XDH: variants seen among roughly 807,000 people sequenced by gnomAD.
The protein encoded by XDH is xanthine dehydrogenase.
In XDH, 138 loss-of-function variants were observed where a neutral mutation model predicts 156.1. The observed-to-expected ratio is 0.88, with a 90% CI of 0.77 to 1.02. The LOEUF is 1.02. Among genes scored for constraint, XDH ranks in the 50% least tolerant of loss-of-function variants. The pLI is 0.00. For synonymous variants in XDH, 669 were observed against 625.7 expected (o/e 1.07, Z -1.03); for missense variants, 1,849 against 1,684.9 (o/e 1.10, Z -1.71).
chr2:31,377,249 C>A lies in XDH; in HGVS notation c.1243-12G>T. 6.2e-7 allele frequency: 1 copy of A among 1,613,828 alleles called. No individual in the cohort carries two copies. The highest frequency in any genetic ancestry group is 8.5e-7 in the Non-Finnish European group (1 of 1,180,018). ...GAGAAATACTCCCCCTAAAAGAGAT[C>A]AGGAAGGTGCCTGTTTTCCACCTTG... On this transcript the variant is annotated splice_polypyrimidine_tract_variant and intron_variant, in intron 13 of 35. Transcript: ENST00000379416.
intron 28 of XDH, among the ~76,000 whole-genome samples, chr2:31,347,990 G>A (rs1685348210): frequency 6.6e-6 from 1 of 152,206 alleles, no homozygotes; most frequent in African/African-American, 2.4e-5. Context: ...CTTGGAATGT[G>A]GGAAACTCGC....
In XDH at chr2:31,372,407, C is replaced by A; in HGVS notation, c.1687-10G>T. 6.2e-7 allele frequency: 1 copy of A among 1,613,936 alleles called. No individual in the cohort carries two copies. Among genetic ancestry groups the A allele is most frequent in the Non-Finnish European group, 8.5e-7 (1 of 1,180,018 alleles). On this transcript the variant is annotated splice_polypyrimidine_tract_variant and intron_variant, in intron 16 of 35. Transcript: ENST00000379416. ...GACCCTTGGGCACCTCCTGGAATGA[C>A]AGGGTCATCAATCAGGGTGAGCTGC...
At chr2:31,395,477 A>G (rs764507843) in intron 6 of XDH, among the ~76,000 whole-genome samples, 11 of 152,236 alleles carry the variant, frequency 7.2e-5, no homozygotes, top group Non-Finnish European at 1.2e-4. Context: ...ATGCTCTGGC[A>G]TATTCCAAAA....
intron 20 of XDH, 99 bp downstream of exon 20, chr2:31,367,862 A>G (rs2148768761): frequency 8.5e-7 from 1 of 1,181,576 alleles, no homozygotes; most frequent in Non-Finnish European, 1.3e-6. Context: ...GGAAATGTCC[A>G]GAAATCACTT....
rs749807779 is a variant in XDH, at chr2:31,370,419, T to C, written c.1916A>G (p.Asp639Gly). The change falls in exon 18 of 36, where the codon GAT becomes GGT. Residue 639 changes from aspartate (D) to glycine (G), a missense_variant. Asp to Gly is a moderately conservative substitution (Grantham distance 94). Transcript: ENST00000379416. ...AGTTATGTTACTCCCAGGAACATCA[T>C]CAGCGGAAATGAAACAAACAAACCC... ...VPGFVCFISA[D>G]DVPGSNITGI... The C allele has an allele frequency of 1.9e-6, 3 of 1,614,106 alleles. No individual in the cohort carries two copies. Among genetic ancestry groups the C allele is most frequent in the East Asian group, 4.5e-5 (2 of 44,896 alleles).
intron 34 of XDH, 91 bp from the exon 35 acceptor site, chr2:31,337,908 C>A: frequency 7.0e-7 from 1 of 1,436,330 alleles, no homozygotes; most frequent in Non-Finnish European, 9.5e-7. Flanking sequence ...GCAGCAAACT[C>A]TGCACGAGGA....
chr2:31,405,150 C>A (rs1437254422), intron 2 of XDH, among the ~76,000 whole-genome samples: 1 of 152,190 alleles, frequency 6.6e-6, no homozygotes, highest in Admixed American at 6.5e-5. Flanking sequence ...GGCCTCAGTT[C>A]CTCCTCTGTG....
intron 1 of XDH, among the ~76,000 whole-genome samples, chr2:31,412,978 C>T (rs931295251): frequency 6.6e-6 from 1 of 152,136 alleles, no homozygotes; most frequent in Non-Finnish European, 1.5e-5. Context: ...AATTACTCTC[C>T]TAAAGTGAAA....
rs540423329 is a variant in XDH at position 31,389,931 on chromosome 2, C to T, written c.496-1636G>A. Among the ~76,000 whole-genome samples the T allele has an allele frequency of 2.6e-5, 4 of 152,184 alleles. No homozygotes were observed. In the South Asian group the frequency reaches 8.3e-4, roughly 32 times the overall value. On this transcript the variant is annotated intron_variant, in intron 6 of 35. Coordinates refer to ENST00000379416, the MANE Select transcript of XDH (RefSeq NM_000379.4). ...TAGAGAATTCCCAAATACCCCTATC[C>T]CAACATACACGCACAACCTTTCTCA...
intron 4 of XDH, 35 bp downstream of exon 4, chr2:31,401,185 G>T: frequency 6.2e-7 from 1 of 1,610,304 alleles, no homozygotes; most frequent in South Asian, 1.1e-5. Context: ...GAAAGAGCCT[G>T]ATCTCAAGAG....
rs1252277133 is a variant in XDH, at chr2:31,373,899, G to T, written c.1660C>A (p.Pro554Thr). ...TGGAAGAGCTGGACATCGGCTGGGG[G>T]GTCTTTCTGAAACAGTAAAGTTGCA... Reference protein sequence around the residue: ...ASATLLFQKDPPADVQLFQEV... With the variant: ...ASATLLFQKDTPADVQLFQEV... The change falls in exon 16 of 36, where the codon CCC becomes ACC. Residue 554 changes from proline to threonine, a missense_variant. By Grantham distance (38) the Pro-to-Thr change is conservative. Transcript: ENST00000379416. 6.2e-7 allele frequency: 1 copy of T among 1,613,890 alleles called. No individual in the cohort carries two copies. Among genetic ancestry groups the T allele is most frequent in the Non-Finnish European group, 8.5e-7 (1 of 1,179,888 alleles).
intron 6 of XDH, among the ~76,000 whole-genome samples, chr2:31,389,224 T>C (rs1444515384): frequency 6.6e-6 from 1 of 152,158 alleles, no homozygotes; most frequent in African/African-American, 2.4e-5. Context: ...TTTTCCAGAG[T>C]CTGTTTCACA....
chr2:31,357,923 A>G (rs183694920), intron 24 of XDH, among the ~76,000 whole-genome samples: 17 of 152,276 alleles, frequency 1.1e-4, no homozygotes, highest in African/African-American at 3.8e-4. Context: ...AGTATGAGAT[A>G]GATAATTTGA....
chr2:31,335,772 TTG>T lies in XDH; in HGVS notation c.*184_*185del. On this transcript the variant is annotated 3_prime_UTR_variant, in exon 36 of 36. Coordinates refer to ENST00000379416, the MANE Select transcript of XDH (RefSeq NM_000379.4). ...ATAACAGTTTTGAATTTGCTTATCA[TTG>T]TGTTTACAAATTACATTTTTGATCA... The T allele has an allele frequency of 4.4e-6, 3 of 681,074 alleles. No homozygotes were observed. The highest frequency in any genetic ancestry group is 3.5e-5 in the South Asian group (2 of 56,532). 42.2% of individuals were successfully genotyped at this position (681,074 alleles called of 1,614,324 possible).
chr2:31,384,934 G>C (rs533530855), intron 9 of XDH, among the ~76,000 whole-genome samples: 1 of 152,362 alleles, frequency 6.6e-6, no homozygotes, highest in East Asian at 1.9e-4. Flanking sequence ...GTATGTATAA[G>C]AGAGAAGGGA....
At chr2:31,386,255 G>A (rs1039664855) in intron 9 of XDH, among the ~76,000 whole-genome samples, 159 bp downstream of exon 9, 1 of 152,166 alleles carries the variant, frequency 6.6e-6, no homozygotes, top group African/African-American at 2.4e-5. Flanking sequence ...TGCAGGAACT[G>A]GAGTGTCCAG....
At chr2:31,377,567 G>C (rs72790636) in intron 13 of XDH, among the ~76,000 whole-genome samples, 7,983 of 152,184 alleles carry the variant, frequency 0.052, 287 homozygotes, top group Non-Finnish European at 0.083. Context: ...AGGCTCCTTA[G>C]AGACCCCTCA....
rs1684927522 is a variant in XDH, at chr2:31,334,599, T to C, written c.*1359A>G. On this transcript the variant is annotated 3_prime_UTR_variant, in exon 36 of 36. Transcript: ENST00000379416. ...CAGAGTTCATTAGACCCAGGTATCATATGACAGTAAGAAAACCAAGCCTTA... is the reference window on the plus strand; with the variant it reads ...CAGAGTTCATTAGACCCAGGTATCACATGACAGTAAGAAAACCAAGCCTTA... The C allele has an allele frequency of 6.6e-6, 1 of 152,206 alleles. No individual in the cohort carries two copies. Among genetic ancestry groups the C allele is most frequent in the Middle Eastern group, 3.2e-3 (1 of 316 alleles). 9.4% of individuals were successfully genotyped at this position (152,206 alleles called of 1,614,324 possible). A position where few individuals can be genotyped will look rare whatever the true frequency, so the allele number is the denominator to read the frequency against.
chr2:31,379,718 A>G lies in XDH; in HGVS notation c.1242+149T>C, dbSNP rs905875314. The G allele has an allele frequency of 3.6e-6, 3 of 824,604 alleles. No individual in the cohort carries two copies. The African/African-American group carries it at 5.0e-5, about 14-fold the overall frequency. 51.1% of individuals were successfully genotyped at this position (824,604 alleles called of 1,614,324 possible). On this transcript the variant is annotated intron_variant, in intron 13 of 35. Transcript: ENST00000379416. ...GTCCAGAAAGGAGTATGGTTGGTTC[A>G]ACAGAGGCAAAGTTCAGAGAGAAAA...
Sources: allele counts gnomAD v4.1 joint callset (sites outside exome capture counted in the v4.1 genomes callset), GRCh38; gene constraint gnomAD v4.1.1; transcripts MANE v1.5; gene names NCBI Gene and HGNC (gene_info 2026-07-23, HGNC 2026-07-21).